The following NAA38 variants were observed in gnomAD, a reference collection of about 807,000 sequenced individuals.
NAA38 encodes N-alpha-acetyltransferase 38, NatC auxiliary subunit, also known as LSM domain containing 1.
NAA38 carries 15 observed loss-of-function variants against 12.6 expected under a neutral mutation model. That is an observed-to-expected ratio of 1.19 (90% CI 0.79 to 1.83). The LOEUF (loss-of-function observed/expected upper bound fraction) is 1.83, where lower values mean the gene tolerates loss of function less well. NAA38 is among the 40% of genes most tolerant of loss of function. NAA38 has a pLI of 0.00. For synonymous variants in NAA38, 88 were observed against 69.9 expected, an observed-to-expected ratio of 1.26 and a Z score of -1.29; for missense variants, 183 against 171.7, an observed-to-expected ratio of 1.07 and a Z score of -0.37.
upstream of NAA38, chr17:7,859,325 G>GTGTA: frequency 7.1e-7 from 1 of 1,406,322 alleles, no homozygotes; most frequent in Admixed American, 1.8e-5. Context: ...ATCCCAGCGT[G>GTGTA]TGTATATGTA....
chr17:7,856,975 G>T, intron 2 of NAA38, 40 bp downstream of exon 2: 1 of 1,590,014 alleles, frequency 6.3e-7, no homozygotes, highest in Non-Finnish European at 8.6e-7. Context: ...GTAAGGTTCC[G>T]CCACATTACC....
chr17:7,866,259 TTTTTTTTTTTTTTTTTTTTTTG>T (rs1480112467), intron 3 of NAA38, among the ~76,000 whole-genome samples: 2 of 127,204 alleles, frequency 1.6e-5, no homozygotes, highest in South Asian at 2.3e-4. Flanking sequence ...GCTAATTTTT[TTTTTTTTTTTTTTTTTTTTTTG>T]GTATTTTTAG....
rs766660828 is a variant in NAA38 at position 7,885,057 on chromosome 17, C to T, written c.-167+108G>A. The T allele has an allele frequency of 7.6e-4, 757 of 998,964 alleles. 1 individual carries two copies. Among genetic ancestry groups the T allele is most frequent in the South Asian group, 1.7e-3 (37 of 22,050 alleles). 61.9% of individuals were successfully genotyped at this position (998,964 alleles called of 1,614,324 possible). A position where few individuals can be genotyped will look rare whatever the true frequency, so the allele number is the denominator to read the frequency against. On this transcript the variant is annotated intron_variant, in intron 1 of 4. Transcript: ENST00000576861. ...CCGCCGCCGCCGCCGCCACCGCTGCCCCCGCCGCCGCCGCCCCCGCCGCCA... is the reference window on the plus strand; with the variant it reads ...CCGCCGCCGCCGCCGCCACCGCTGCTCCCGCCGCCGCCGCCCCCGCCGCCA...
At chr17:7,859,590 A>G (rs181928554), upstream of NAA38, 20 of 1,614,112 alleles carry the variant, frequency 1.2e-5, no homozygotes, top group Middle Eastern at 1.6e-4. Context: ...CTGTACTTCA[A>G]TGATGATCTC....
At position 7,857,548 on chromosome 17, in the gene NAA38, C is replaced by G. The variant is rs1214329888; in HGVS notation, c.-85G>C. 8.3e-6 allele frequency: 12 copies of G among 1,442,104 alleles called. No individual in the cohort carries two copies. The South Asian group carries it at 1.4e-4, about 17-fold the overall frequency. 89.3% of individuals were successfully genotyped at this position (1,442,104 alleles called of 1,614,324 possible). A position where few individuals can be genotyped will look rare whatever the true frequency, so the allele number is the denominator to read the frequency against. ...CCGAGATCTCGCGAGCGCTCCCGACCTCTTTCCTTTCGCGAGATCCCCTCT... is the reference window on the plus strand; with the variant it reads ...CCGAGATCTCGCGAGCGCTCCCGACGTCTTTCCTTTCGCGAGATCCCCTCT... On this transcript the variant is annotated 5_prime_UTR_variant, in exon 1 of 3. Coordinates refer to ENST00000575771, the MANE Select transcript of NAA38 (RefSeq NM_001320925.4).
chr17:7,858,197 G>A (rs2078848465), upstream of NAA38: 28 of 1,613,828 alleles, frequency 1.7e-5, no homozygotes, highest in Non-Finnish European at 2.4e-5. Context: ...GCTATTTCAC[G>A]CCGGCGGAGG....
chr17:7,884,315 G>A (rs1967414765), intron 1 of NAA38, among the ~76,000 whole-genome samples: 1 of 147,722 alleles, frequency 6.8e-6, no homozygotes, highest in South Asian at 2.1e-4. Context: ...CTGGAGGGGG[G>A]GTTGTTTTAA....
intron 2 of NAA38, among the ~76,000 whole-genome samples, chr17:7,880,187 G>T (rs1321230420): frequency 6.6e-6 from 1 of 152,102 alleles, no homozygotes; most frequent in African/African-American, 2.4e-5. Context: ...GTGATGGAAG[G>T]ATACAGGCCA....
In NAA38 at chr17:7,857,381, A is replaced by G. The variant is rs1165340759; in HGVS notation, c.81+2T>C. On this transcript the variant is annotated splice_donor_variant, in intron 1 of 2. Coordinates refer to ENST00000575771, the MANE Select transcript of NAA38 (RefSeq NM_001320925.4). LOFTEE classifies it high-confidence loss of function. ...AGTCCCAGAACCAGAGCCCGTGCTA[A>G]CCCCAGCACTGGAGCTGCTCTGACG... 1 of 1,612,150 alleles carries G rather than the reference A, an allele frequency of 6.2e-7. No homozygotes were observed. Among genetic ancestry groups the G allele is most frequent in the Non-Finnish European group, 8.5e-7 (1 of 1,179,410 alleles).
intron 3 of NAA38, chr17:7,863,985 G>A (rs1966918520): frequency 1.3e-5 from 2 of 152,056 alleles, no homozygotes; most frequent in Admixed American, 6.6e-5. Context: ...ATGTTAATCT[G>A]GCTGTACCTT....
At chr17:7,869,171 G>C (rs1254289400) in intron 2 of NAA38, among the ~76,000 whole-genome samples, 1 of 152,208 alleles carries the variant, frequency 6.6e-6, no homozygotes, top group East Asian at 1.9e-4. Context: ...CTTTATGTAA[G>C]TTAGCTCACT....
At chr17:7,872,173 T>C (rs143272307) in intron 2 of NAA38, among the ~76,000 whole-genome samples, 3,331 of 152,360 alleles carry the variant, frequency 0.022, 58 homozygotes, top group Middle Eastern at 0.085. Flanking sequence ...CTTTATGTTT[T>C]CTTACACAGT....
chr17:7,882,387 ACAGT>A (rs1967290028), intron 2 of NAA38, among the ~76,000 whole-genome samples: 1 of 152,212 alleles, frequency 6.6e-6, no homozygotes, highest in Non-Finnish European at 1.5e-5. Context: ...AGAGCCACAC[ACAGT>A]CAGAGACTGG....
intron 2 of NAA38, among the ~76,000 whole-genome samples, chr17:7,867,400 A>G (rs550590228): frequency 2.0e-5 from 3 of 152,244 alleles, no homozygotes; most frequent in African/African-American, 7.2e-5. Flanking sequence ...GTGCAATGGC[A>G]TGATCTCGGC....
intron 1 of NAA38, chr17:7,884,897 G>C: frequency 7.2e-7 from 1 of 1,389,240 alleles, no homozygotes; most frequent in Non-Finnish European, 9.6e-7. Flanking sequence ...GGGCGACGAG[G>C]AGGAGGAGGA....
chr17:7,871,546 C>T (rs565915370), intron 2 of NAA38, among the ~76,000 whole-genome samples: 1 of 152,272 alleles, frequency 6.6e-6, no homozygotes, highest in South Asian at 2.1e-4. Context: ...TTTATACCCC[C>T]TTACTCCTGC....
chr17:7,858,789 A>G (rs2078857802), upstream of NAA38: 3 of 1,573,750 alleles, frequency 1.9e-6, no homozygotes, highest in Non-Finnish European at 2.6e-6. Flanking sequence ...CATCCGCATC[A>G]TTAACACGCT....
At chr17:7,866,633 C>T (rs1966988571) in intron 2 of NAA38, 2 of 733,354 alleles carry the variant, frequency 2.7e-6, no homozygotes, top group East Asian at 6.8e-5. Flanking sequence ...CCACCCACCA[C>T]TCTTCAGTTG....
At chr17:7,883,066 G>A (rs2151394698) in intron 2 of NAA38, among the ~76,000 whole-genome samples, 1 of 152,316 alleles carries the variant, frequency 6.6e-6, no homozygotes, top group South Asian at 2.1e-4. Context: ...CATTTGGCAA[G>A]GATCATTTTC....
Sources: gnomAD v4.1 joint callset for allele counts (sites outside exome capture counted in the v4.1 genomes callset) on GRCh38, gnomAD v4.1.1 for gene constraint, MANE v1.5 for transcripts, NCBI Gene and HGNC (gene_info 2026-07-23, HGNC 2026-07-21) for gene names.